Variants in AMMECR1 observed in about 807,000 individuals in gnomAD.
The protein encoded by AMMECR1 is nuclear protein AMMECR1.
In AMMECR1, 3 loss-of-function variants were observed where a neutral mutation model predicts 22.5. The ratio of observed to expected loss-of-function variants is 0.13; its 90% CI spans 0.06 to 0.35. The LOEUF is 0.35. AMMECR1 is among the 10% of genes least tolerant of loss of function. The pLI, the probability that AMMECR1 is intolerant of heterozygous loss-of-function variation, is 1.00. For missense variants in AMMECR1, 235 were observed against 278.7 expected (o/e 0.84, Z 1.12); for synonymous variants, 130 against 116.7 (o/e 1.11, Z -0.74).
At chrX:110,290,534 G>T (rs1311703725) in intron 1 of AMMECR1, among the ~76,000 whole-genome samples, 1 of 111,528 alleles carries the variant, frequency 9.0e-6, no homozygotes, top group Non-Finnish European at 1.9e-5. Flanking sequence ...CCATTCTTGT[G>T]TGTTTGTAGC....
chrX:110,368,143 A>G (rs1389179551), intron 2 of AMMECR1, among the ~76,000 whole-genome samples: 1 of 109,698 alleles, frequency 9.1e-6, no homozygotes, highest in Admixed American at 9.8e-5. Flanking sequence ...ACCTGGCCTA[A>G]AAGTATATTT....
chrX:110,267,489 G>A (rs146913699), intron 1 of AMMECR1, among the ~76,000 whole-genome samples: 1,895 of 110,648 alleles, frequency 0.017, 25 homozygotes, highest in Non-Finnish European at 0.029. Flanking sequence ...ATCCTCTCCC[G>A]TAACAATGGC....
At chrX:110,423,406 GAGA>G (rs1487518439) in intron 2 of AMMECR1, among the ~76,000 whole-genome samples, 2 of 111,019 alleles carry the variant, frequency 1.8e-5, no homozygotes, top group African/African-American at 6.5e-5. Flanking sequence ...GAAGAAGAAG[GAGA>G]AGGAGAACGA....
intron 2 of AMMECR1, among the ~76,000 whole-genome samples, chrX:110,381,445 T>A (rs5985462): frequency 0.039 from 4,325 of 111,387 alleles, 160 homozygotes; most frequent in African/African-American, 0.12. Context: ...GAGGTTGCAG[T>A]GAAAAGGGAA....
At chrX:110,318,772 G>A (rs149634236), upstream of AMMECR1, among the ~76,000 whole-genome samples, 3 of 111,700 alleles carry the variant, frequency 2.7e-5, no homozygotes, top group Non-Finnish European at 5.7e-5. Context: ...ACACACCAGG[G>A]TACTCTTTCC....
chrX:110,413,382 C>T (rs2068654794), intron 2 of AMMECR1, among the ~76,000 whole-genome samples: 1 of 111,148 alleles, frequency 9.0e-6, no homozygotes, highest in Non-Finnish European at 1.9e-5. Context: ...GAGGTGGGGT[C>T]TGTGCTCTAG....
intron 2 of AMMECR1, among the ~76,000 whole-genome samples, chrX:110,380,543 C>T (rs766747020): frequency 3.2e-4 from 36 of 111,773 alleles, no homozygotes; most frequent in African/African-American, 8.5e-4. Context: ...ACAGATTCAA[C>T]GCTATTCCTA....
chrX:110,433,640 T>A (rs1020410926), intron 1 of AMMECR1, among the ~76,000 whole-genome samples: 2 of 111,939 alleles, frequency 1.8e-5, no homozygotes, highest in Non-Finnish European at 3.8e-5. Flanking sequence ...CACAATCACT[T>A]TCCAGGGATT....
intron 2 of AMMECR1, among the ~76,000 whole-genome samples, chrX:110,380,183 A>G (rs1225886042): frequency 1.8e-5 from 2 of 111,754 alleles, no homozygotes; most frequent in Non-Finnish European, 3.8e-5. Context: ...TACACATAGG[A>G]CAGTAGTAGG....
intron 2 of AMMECR1, among the ~76,000 whole-genome samples, chrX:110,426,393 A>G (rs2068754501): frequency 8.9e-6 from 1 of 111,823 alleles, no homozygotes; most frequent in Admixed American, 9.5e-5. Context: ...GATTGCTGGT[A>G]GTCTGCTTGC....
chrX:110,295,469 C>A (rs751124225), intron 1 of AMMECR1, among the ~76,000 whole-genome samples: 54 of 111,094 alleles, frequency 4.9e-4, no homozygotes, highest in African/African-American at 1.7e-3. Flanking sequence ...ATTCTTAACT[C>A]ATGAAAATGT....
intron 2 of AMMECR1, among the ~76,000 whole-genome samples, chrX:110,328,871 T>C (rs187326254): frequency 4.8e-4 from 54 of 112,432 alleles, no homozygotes; most frequent in Middle Eastern, 4.6e-3. Flanking sequence ...TATCCAACGA[T>C]AGGCATTTGG....
chrX:110,240,406 G>T (rs983716636), intron 2 of AMMECR1, among the ~76,000 whole-genome samples: 18 of 91,981 alleles, frequency 2.0e-4, no homozygotes, highest in Non-Finnish European at 3.7e-4. Flanking sequence ...ACAAAAACGG[G>T]GGGGGGAGGG....
intron 2 of AMMECR1, chrX:110,359,050 G>A (rs917041532): frequency 5.4e-5 from 6 of 111,577 alleles, no homozygotes; most frequent in African/African-American, 2.0e-4. Context: ...CTGGAAATAG[G>A]CATTATTATT....
intron 2 of AMMECR1, among the ~76,000 whole-genome samples, chrX:110,220,368 T>C (rs2067494342): frequency 8.9e-6 from 1 of 111,743 alleles, no homozygotes; most frequent in African/African-American, 3.2e-5. Context: ...CACTCATTAG[T>C]AGCCAAAGGG....
chrX:110,415,551 G>A (rs2068671524), intron 2 of AMMECR1, among the ~76,000 whole-genome samples: 1 of 111,775 alleles, frequency 8.9e-6, no homozygotes, highest in East Asian at 2.8e-4. Context: ...TTGATGCCCA[G>A]TGTACTCTGC....
intron 2 of AMMECR1, among the ~76,000 whole-genome samples, chrX:110,361,012 A>G (rs369393497): frequency 2.0e-4 from 22 of 111,096 alleles, no homozygotes; most frequent in African/African-American, 6.9e-4. Context: ...ACAAATTTGT[A>G]TCTCCATACT....
chrX:110,369,298 C>T (rs2148259633), intron 2 of AMMECR1, among the ~76,000 whole-genome samples: 1 of 111,148 alleles, frequency 9.0e-6, no homozygotes, highest in East Asian at 2.8e-4. Flanking sequence ...CACCACTGCA[C>T]TACAGCCTGG....
At chrX:110,432,065 G>A (rs372132631) in intron 1 of AMMECR1, among the ~76,000 whole-genome samples, 54 of 112,092 alleles carry the variant, frequency 4.8e-4, no homozygotes, top group African/African-American at 1.7e-3. Flanking sequence ...CATTTCTTGA[G>A]CTTTATGGCA....
Sources: allele counts gnomAD v4.1 joint callset (sites outside exome capture counted in the v4.1 genomes callset), GRCh38; gene constraint gnomAD v4.1.1; transcripts MANE v1.5; gene names NCBI Gene and HGNC (gene_info 2026-07-23, HGNC 2026-07-21).